Variants in ACTN4 observed in about 807,000 individuals in gnomAD.
ACTN4 encodes the protein alpha-actinin-4.
A neutral mutation model predicts 114.2 loss-of-function variants in ACTN4; 18 were observed. That is an observed-to-expected ratio of 0.16 (90% CI 0.11 to 0.23). The LOEUF is 0.23. Among genes scored for constraint, ACTN4 ranks in the 10% least tolerant of loss-of-function variants. The pLI is 1.00. For missense variants in ACTN4, 722 were observed against 1,262.9 expected (o/e 0.57, Z 6.49); for synonymous variants, 515 against 506.3 (o/e 1.02, Z -0.23).
chr19:38,726,825 C>T (rs907325316), intron 17 of ACTN4, 132 bp from the exon 18 acceptor site: 4 of 1,365,286 alleles, frequency 2.9e-6, no homozygotes, highest in South Asian at 2.6e-5. Context: ...TGGCCCGTGT[C>T]CCCTGTGAGG....
intron 1 of ACTN4, among the ~76,000 whole-genome samples, chr19:38,649,620 C>G (rs1976498935): frequency 6.6e-6 from 1 of 151,996 alleles, no homozygotes; most frequent in Non-Finnish European, 1.5e-5. Flanking sequence ...GGACAGGGCT[C>G]TGAAGGTTTG....
chr19:38,679,562 G>GGTGTGTGTGTGTGTGT (rs752412184), intron 1 of ACTN4, among the ~76,000 whole-genome samples: 6 of 96,298 alleles, frequency 6.2e-5, no homozygotes, highest in African/African-American at 2.0e-4. Flanking sequence ...AATAGATTTG[G>GGTGTGTGTGTGTGTGT]GTGTGCGTGT....
intron 1 of ACTN4, among the ~76,000 whole-genome samples, chr19:38,659,065 C>CTTTTCTTTT (rs1555822759): frequency 5.4e-5 from 6 of 111,692 alleles, no homozygotes; most frequent in South Asian, 3.0e-4. Context: ...CTTTTCTTTT[C>CTTTTCTTTT]TTTTTTTTTT....
At chr19:38,684,977 C>T (rs62121821) in intron 1 of ACTN4, among the ~76,000 whole-genome samples, 7,942 of 152,128 alleles carry the variant, frequency 0.052, 224 homozygotes, top group South Asian at 0.093. Context: ...GACGGAATCT[C>T]GCTCTTTAGC....
chr19:38,684,186 A>G (rs1273434175), intron 1 of ACTN4, among the ~76,000 whole-genome samples: 1 of 152,156 alleles, frequency 6.6e-6, no homozygotes, highest in East Asian at 1.9e-4. Context: ...GTACACACTA[A>G]GTGCTCAATA....
chr19:38,729,857 G>A lies in ACTN4; in HGVS notation c.*425G>A. On this transcript the variant is annotated 3_prime_UTR_variant, in exon 21 of 21. Transcript: ENST00000252699. ...CTTGTCCAGGAACTGCCTGGGCCAT[G>A]CGAGGGGCCAGCAGAGGGCGCCACC... is the stretch of plus-strand genomic sequence containing the variant. The A allele has an allele frequency of 2.7e-6, 1 of 367,506 alleles. No individual in the cohort carries two copies. The highest frequency in any genetic ancestry group is 5.4e-6 in the Non-Finnish European group (1 of 186,626). 22.8% of individuals were successfully genotyped at this position (367,506 alleles called of 1,614,324 possible). A position where few individuals can be genotyped will look rare whatever the true frequency, so the allele number is the denominator to read the frequency against.
Position 38,730,261 on chromosome 19 carries a change from T to G in ACTN4, c.*829T>G, listed in dbSNP as rs532185985. On this transcript the variant is annotated 3_prime_UTR_variant, in exon 21 of 21. Coordinates refer to ENST00000252699, the MANE Select transcript of ACTN4 (RefSeq NM_004924.6). The stretch of plus-strand genomic sequence containing the variant: ...ATATATATTCACCTAGCAACATATC[T>G]CTGCCGTCTCTCCTGCTCTCATAAT... 3 of 158,522 alleles carry G rather than the reference T, an allele frequency of 1.9e-5. No individual in the cohort carries two copies. The East Asian group carries it at 5.7e-4, about 30-fold the overall frequency. The allele number at this position is 158,522 out of a possible 1,614,324, so 9.8% of individuals were successfully genotyped here.
rs373484898 is a variant in ACTN4, at chr19:38,729,340, C to T, written c.2644C>T (p.Arg882Cys). ...CGACCAGGCCGAGTACTGCATCGCC[C>T]GCATGGCGCCATACCAGGGCCCTGA... The part of the protein sequence containing the change: ...PPDQAEYCIA[R>C]MAPYQGPDAV... The change falls in exon 21 of 21, where the codon CGC becomes TGC. Residue 882 changes from arginine (R) to cysteine (C), a missense_variant. Arg to Cys is a radical substitution (Grantham distance 180). Around this residue, in one of 3 missense-constraint regions of ACTN4, gnomAD observed 523 missense variants for 875.9 expected, o/e 0.60. Coordinates refer to ENST00000252699, the MANE Select transcript of ACTN4 (RefSeq NM_004924.6). 6.8e-6 allele frequency: 11 copies of T among 1,612,782 alleles called. No homozygotes were observed. The African/African-American group carries it at 8.0e-5, about 12-fold the overall frequency.
intron 1 of ACTN4, among the ~76,000 whole-genome samples, chr19:38,688,741 A>AC (rs963168058): frequency 4.5e-4 from 68 of 152,072 alleles, no homozygotes; most frequent in African/African-American, 1.6e-3. Flanking sequence ...ACAAAAAAAA[A>AC]CAGAAAACCA....
Position 38,730,833 on chromosome 19 carries a change from G to A in ACTN4, c.*1401G>A. On this transcript the variant is annotated 3_prime_UTR_variant, in exon 21 of 21. Transcript: ENST00000252699. Reference sequence around the variant, plus strand: ...TCAGCAACCCTGCCCTGAGCAGCAGGTGCGCCCATCCGGAGATCCTAGGAG... The same window carrying A: ...TCAGCAACCCTGCCCTGAGCAGCAGATGCGCCCATCCGGAGATCCTAGGAG... 1.9e-6 allele frequency: 3 copies of A among 1,550,754 alleles called. No individual in the cohort carries two copies. Among genetic ancestry groups the A allele is most frequent in the South Asian group, 1.2e-5 (1 of 84,082 alleles).
chr19:38,717,141 A>G lies in ACTN4; in HGVS notation c.968A>G (p.Lys323Arg). Reference sequence around the variant, plus strand: ...TGGCTGGAGGACCGTGTGCCCCAAAAGACTATCCAGGAGATGCAGCAGAAG... The same window carrying G: ...TGGCTGGAGGACCGTGTGCCCCAAAGGACTATCCAGGAGATGCAGCAGAAG... ...IPWLEDRVPQ[K>R]TIQEMQQKLE... Residue 323 changes from lysine (K) to arginine (R), a missense_variant, in exon 10 of 21, where the codon AAG becomes AGG. This residue lies in a region of ACTN4 where 523 missense variants were observed against 875.9 expected (regional missense o/e 0.60). Coordinates refer to ENST00000252699, the MANE Select transcript of ACTN4 (RefSeq NM_004924.6). This position sits in a 1 kb window ranked among gnomAD's most constrained non-coding sequence, Gnocchi z 4.0. The G allele has an allele frequency of 6.2e-7, 1 of 1,614,244 alleles. No individual in the cohort carries two copies. The highest frequency in any genetic ancestry group is 1.6e-4 in the Middle Eastern group (1 of 6,062).
chr19:38,661,802 G>A (rs1339097839), intron 1 of ACTN4, among the ~76,000 whole-genome samples: 3 of 152,242 alleles, frequency 2.0e-5, no homozygotes, highest in East Asian at 1.9e-4. Context: ...ACAGGCGCCC[G>A]CCACCATGCC....
intron 6 of ACTN4, among the ~76,000 whole-genome samples, chr19:38,708,443 A>G (rs1968533295): frequency 6.6e-6 from 1 of 152,112 alleles, no homozygotes; most frequent in South Asian, 2.1e-4. Context: ...ACCCGGGGTT[A>G]TTTAAGGGCC....
In ACTN4 at chr19:38,730,915, G is replaced by A; in HGVS notation, c.*1483G>A. ...AAGGAAGACAGTGGCTTGAGGCAGG[G>A]AGCTCGCAGGACAGAGCCTGAGCCA... On this transcript the variant is annotated 3_prime_UTR_variant, in exon 21 of 21. Coordinates refer to ENST00000252699, the MANE Select transcript of ACTN4 (RefSeq NM_004924.6). 1 of 1,550,580 alleles carries A rather than the reference G, an allele frequency of 6.4e-7. No homozygotes were observed. The highest frequency in any genetic ancestry group is 8.7e-7 in the Non-Finnish European group (1 of 1,147,054).
At chr19:38,687,754 C>A (rs1967794010) in intron 1 of ACTN4, among the ~76,000 whole-genome samples, 1 of 152,182 alleles carries the variant, frequency 6.6e-6, no homozygotes, top group African/African-American at 2.4e-5. Flanking sequence ...AGCAGAAACA[C>A]AACCGAAGAA....
chr19:38,696,103 G>A (rs1161416580), intron 1 of ACTN4, among the ~76,000 whole-genome samples: 1 of 152,098 alleles, frequency 6.6e-6, no homozygotes, highest in African/African-American at 2.4e-5. Flanking sequence ...AGCAGTGCCC[G>A]CCCCTAGTAG....
At chr19:38,707,083 G>A (rs1568726192) in intron 5 of ACTN4, among the ~76,000 whole-genome samples, 6 of 152,264 alleles carry the variant, frequency 3.9e-5, no homozygotes, top group East Asian at 3.9e-4. Context: ...GGTTTGCAGC[G>A]GCCTCAGGCT....
At chr19:38,647,964 GGGGTGGGAGGTCCTGAAA>G in intron 1 of ACTN4, 57 bp downstream of exon 1, 1 of 1,409,414 alleles carries the variant, frequency 7.1e-7, no homozygotes, top group East Asian at 2.9e-5. Flanking sequence ...GGCCCGGGGA[GGGGTGGGAGGTCCTGAAA>G]GGTAACTGGA....
chr19:38,685,706 C>G (rs1967721067), intron 1 of ACTN4, among the ~76,000 whole-genome samples: 1 of 152,096 alleles, frequency 6.6e-6, no homozygotes, highest in Non-Finnish European at 1.5e-5. Flanking sequence ...TGGTCAAGAT[C>G]ACAGATTTCC....
Sources: allele counts gnomAD v4.1 joint callset (sites outside exome capture counted in the v4.1 genomes callset), GRCh38; gene constraint gnomAD v4.1.1; regional missense constraint gnomAD v4.1.1; non-coding constraint Gnocchi (gnomAD v3.1); transcripts MANE v1.5; gene names NCBI Gene and HGNC (gene_info 2026-07-23, HGNC 2026-07-21).